The following KCNB2 variants were observed in gnomAD, a reference collection of about 807,000 sequenced individuals.
KCNB2 encodes potassium voltage-gated channel subfamily B member 2.
A neutral mutation model predicts 61.5 loss-of-function variants in KCNB2; 15 were observed. That is an observed-to-expected ratio of 0.24 (90% CI 0.16 to 0.38). The LOEUF (loss-of-function observed/expected upper bound fraction) is 0.38. KCNB2 is among the 10% of genes least tolerant of loss of function. KCNB2 has a pLI of 1.00. For synonymous variants in KCNB2, 457 were observed against 446.0 expected (o/e 1.02, Z -0.31); for missense variants, 828 against 1,125.2 (o/e 0.74, Z 3.78).
chr8:72,754,749 G>A (rs775527393), intron 2 of KCNB2, among the ~76,000 whole-genome samples: 26 of 152,164 alleles, frequency 1.7e-4, no homozygotes, highest in Non-Finnish European at 1.9e-4. Context: ...TGTGTGCTGA[G>A]CATATAAAGA....
chr8:72,823,766 A>T (rs1290517118), intron 2 of KCNB2, among the ~76,000 whole-genome samples: 1 of 152,224 alleles, frequency 6.6e-6, no homozygotes, highest in South Asian at 2.1e-4. Context: ...AGGCTCGAAG[A>T]GGTTAAGTAA....
At chr8:72,815,741 T>A (rs1809386779) in intron 2 of KCNB2, among the ~76,000 whole-genome samples, 1 of 152,054 alleles carries the variant, frequency 6.6e-6, no homozygotes, top group African/African-American at 2.4e-5. Context: ...AAAAGAAAAG[T>A]TTTGCATGCA....
rs371928813 is a variant in KCNB2 at position 72,836,288 on chromosome 8, A to G, written c.580-99647A>G. Among the ~76,000 whole-genome samples the G allele has an allele frequency of 5.3e-4, 80 of 152,352 alleles. No homozygotes were observed. The East Asian group carries it at 9.4e-3, about 18-fold the overall frequency. Reference sequence around the variant, plus strand: ...AGTAAATTTCTTTTCAAAGAAGGCTATTTTCTCATCAACTTATGGTAAATG... The same window carrying G: ...AGTAAATTTCTTTTCAAAGAAGGCTGTTTTCTCATCAACTTATGGTAAATG... On this transcript the variant is annotated intron_variant, in intron 2 of 2. Transcript: ENST00000523207.
At chr8:72,734,758 G>T (rs901923150) in intron 2 of KCNB2, among the ~76,000 whole-genome samples, 1 of 152,154 alleles carries the variant, frequency 6.6e-6, no homozygotes. Context: ...GGATTACCTG[G>T]CTGCATGGTG....
At chr8:72,935,589 C>A (rs531100337) in intron 2 of KCNB2, among the ~76,000 whole-genome samples, 2 of 152,194 alleles carry the variant, frequency 1.3e-5, no homozygotes, top group South Asian at 4.1e-4. Flanking sequence ...AAACACAAAC[C>A]AGGTGGTTAA....
intron 2 of KCNB2, among the ~76,000 whole-genome samples, chr8:72,742,039 G>T (rs917071240): frequency 2.6e-5 from 4 of 152,156 alleles, no homozygotes; most frequent in Non-Finnish European, 5.9e-5. Flanking sequence ...ACACTTGCAT[G>T]TGCATGTTTA....
chr8:72,738,206 A>G (rs1379708901), intron 2 of KCNB2, among the ~76,000 whole-genome samples: 1 of 152,154 alleles, frequency 6.6e-6, no homozygotes. Flanking sequence ...CCAACTTCTC[A>G]GAGGCTCCAT....
At chr8:72,869,632 A>G (rs1281533160) in intron 2 of KCNB2, among the ~76,000 whole-genome samples, 1 of 152,224 alleles carries the variant, frequency 6.6e-6, no homozygotes, top group Non-Finnish European at 1.5e-5. Flanking sequence ...GGGAAATGCA[A>G]ATCAAAACCA....
At chr8:72,896,241 C>T (rs1215658490) in intron 2 of KCNB2, among the ~76,000 whole-genome samples, 1 of 152,124 alleles carries the variant, frequency 6.6e-6, no homozygotes, top group Non-Finnish European at 1.5e-5. Context: ...CACTGTTTAT[C>T]TGTTATATAA....
intron 2 of KCNB2, among the ~76,000 whole-genome samples, chr8:72,903,138 C>T (rs1806115622): frequency 6.6e-6 from 1 of 152,122 alleles, no homozygotes; most frequent in Non-Finnish European, 1.5e-5. Flanking sequence ...GTTTTGAAGG[C>T]AAACACTGAA....
chr8:72,753,224 A>T (rs1458668024), intron 2 of KCNB2, among the ~76,000 whole-genome samples: 1 of 152,172 alleles, frequency 6.6e-6, no homozygotes, highest in Non-Finnish European at 1.5e-5. Flanking sequence ...ATTTTCATTC[A>T]TTCATTGTTT....
intron 2 of KCNB2, among the ~76,000 whole-genome samples, chr8:72,702,274 A>T (rs973128906): frequency 3.3e-5 from 5 of 151,930 alleles, no homozygotes; most frequent in Admixed American, 3.3e-4. Context: ...TTTCCAGCGA[A>T]CTCAGTTTCT....
intron 2 of KCNB2, among the ~76,000 whole-genome samples, chr8:72,622,159 A>G (rs1805723323): frequency 6.6e-6 from 1 of 152,234 alleles, no homozygotes; most frequent in Non-Finnish European, 1.5e-5. Context: ...TGGAATGTAC[A>G]CAGAAAATAG....
chr8:72,769,204 G>C (rs1808519436), intron 2 of KCNB2, among the ~76,000 whole-genome samples: 2 of 151,884 alleles, frequency 1.3e-5, no homozygotes, highest in South Asian at 4.2e-4. Context: ...GACATAAAAA[G>C]ACAAAATAGT....
At chr8:72,789,656 A>G (rs570162774) in intron 2 of KCNB2, among the ~76,000 whole-genome samples, 3 of 152,278 alleles carry the variant, frequency 2.0e-5, no homozygotes, top group Non-Finnish European at 4.4e-5. Flanking sequence ...TCCTCAAGAC[A>G]TCAGGGGACC....
rs776958750 is a variant in KCNB2 at position 72,568,091 on chromosome 8, T to C, written c.357T>C (p.Phe119=). ...HMMEEMCALS[F]GQELDYWGID... ...TGGAAGAAATGTGTGCACTTTCGTT[T>C]GGCCAAGAACTTGATTACTGGGGGA... The change falls in exon 2 of 3, where the codon TTT becomes TTC. Residue 119 remains phenylalanine, a synonymous_variant. Transcript: ENST00000523207. 1 of 1,614,174 alleles carries C rather than the reference T, an allele frequency of 6.2e-7. No individual in the cohort carries two copies. Among genetic ancestry groups the C allele is most frequent in the South Asian group, 1.1e-5 (1 of 91,076 alleles).
chr8:72,555,641 G>T (rs1346595427), intron 1 of KCNB2, among the ~76,000 whole-genome samples: 1 of 148,434 alleles, frequency 6.7e-6, no homozygotes, highest in Non-Finnish European at 1.5e-5. Flanking sequence ...TATTAAAGAA[G>T]AATTTTTTTT....
chr8:72,849,108 C>T (rs192464409), intron 2 of KCNB2, among the ~76,000 whole-genome samples: 1 of 150,800 alleles, frequency 6.6e-6, no homozygotes, highest in Non-Finnish European at 1.5e-5. Flanking sequence ...ATTTATGACT[C>T]ATTTTCTTAG....
intron 2 of KCNB2, among the ~76,000 whole-genome samples, chr8:72,607,339 C>T (rs1468698463): frequency 2.6e-5 from 4 of 152,042 alleles, no homozygotes; most frequent in South Asian, 4.1e-4. Flanking sequence ...GACCATCCTT[C>T]TCAAGAATGA....
Sources: allele counts gnomAD v4.1 joint callset (sites outside exome capture counted in the v4.1 genomes callset), GRCh38; gene constraint gnomAD v4.1.1; transcripts MANE v1.5; gene names NCBI Gene and HGNC (gene_info 2026-07-23, HGNC 2026-07-21).